The following CCSER1 variants were observed in gnomAD, a reference collection of about 807,000 sequenced individuals.
CCSER1 encodes the protein coiled-coil serine rich protein 1, also known as serine-rich coiled-coil domain-containing protein 1.
CCSER1 carries 41 observed loss-of-function variants against 82.0 expected under a neutral mutation model. The ratio of observed to expected loss-of-function variants is 0.50; its 90% confidence interval spans 0.39 to 0.65. The LOEUF (loss-of-function observed/expected upper bound fraction) is 0.65. Among genes scored for constraint, CCSER1 ranks in the 30% least tolerant of loss-of-function variants. The pLI is 0.00. For missense variants in CCSER1, 1,119 were observed against 1,064.2 expected (o/e 1.05, Z -0.72); for synonymous variants, 414 against 383.9 (o/e 1.08, Z -0.92).
chr4:91,275,749 A>C (rs1050098409), intron 10 of CCSER1, among the ~76,000 whole-genome samples: 1 of 151,942 alleles, frequency 6.6e-6, no homozygotes, highest in African/African-American at 2.4e-5. Context: ...CAATGTCCTG[A>C]ATTGTTTCTT....
At chr4:90,753,685 C>T (rs1749068898) in intron 7 of CCSER1, among the ~76,000 whole-genome samples, 1 of 152,082 alleles carries the variant, frequency 6.6e-6, no homozygotes, top group Non-Finnish European at 1.5e-5. Flanking sequence ...CCAGAGTGAT[C>T]TTTTAAAAAA....
chr4:91,458,093 A>G (rs1353667449), intron 10 of CCSER1, among the ~76,000 whole-genome samples: 1 of 152,156 alleles, frequency 6.6e-6, no homozygotes, highest in Non-Finnish European at 1.5e-5. Context: ...AATGTCCTGA[A>G]GTAGTTCTCC....
intron 10 of CCSER1, among the ~76,000 whole-genome samples, chr4:91,294,965 T>C (rs1239950803): frequency 1.3e-5 from 2 of 151,984 alleles, no homozygotes; most frequent in Non-Finnish European, 2.9e-5. Context: ...ATTATTTTCA[T>C]TGTTCTACTC....
At chr4:90,159,323 G>T (rs1198794859) in intron 1 of CCSER1, among the ~76,000 whole-genome samples, 1 of 152,048 alleles carries the variant, frequency 6.6e-6, no homozygotes, top group Non-Finnish European at 1.5e-5. Context: ...GGGATTAAAG[G>T]CATGAACCAC....
At chr4:90,298,513 A>C (rs1377378789) in intron 1 of CCSER1, among the ~76,000 whole-genome samples, 2 of 151,428 alleles carry the variant, frequency 1.3e-5, no homozygotes, top group African/African-American at 4.8e-5. Context: ...CTCTGATTTT[A>C]GTTATTTCTT....
At chr4:90,395,618 G>C (rs962337600) in intron 3 of CCSER1, among the ~76,000 whole-genome samples, 1 of 150,706 alleles carries the variant, frequency 6.6e-6, no homozygotes, top group African/African-American at 2.4e-5. Flanking sequence ...TAATGTTGGA[G>C]TTTGCTTTTA....
chr4:91,260,545 C>G (rs1302534542), intron 10 of CCSER1, among the ~76,000 whole-genome samples: 1 of 152,142 alleles, frequency 6.6e-6, no homozygotes, highest in South Asian at 2.1e-4. Context: ...TCTGTTTGAT[C>G]CCAAATATGT....
chr4:90,551,713 T>C (rs2153641333), intron 5 of CCSER1, among the ~76,000 whole-genome samples: 1 of 140,200 alleles, frequency 7.1e-6, no homozygotes, highest in South Asian at 2.3e-4. Flanking sequence ...TCTCTATATA[T>C]ATATATATAT....
chr4:90,615,276 T>C (rs559539533), intron 5 of CCSER1, among the ~76,000 whole-genome samples: 40 of 152,220 alleles, frequency 2.6e-4, no homozygotes, highest in Non-Finnish European at 5.0e-4. Flanking sequence ...ATCCATTCTG[T>C]AGCTCATGGA....
intron 10 of CCSER1, among the ~76,000 whole-genome samples, chr4:91,483,217 G>C (rs1758041938): frequency 6.6e-6 from 1 of 152,074 alleles, no homozygotes; most frequent in African/African-American, 2.4e-5. Context: ...AGAAGAATGT[G>C]TTGGCAAAGA....
chr4:90,460,193 C>T (rs1282979713), intron 4 of CCSER1, among the ~76,000 whole-genome samples: 4 of 147,436 alleles, frequency 2.7e-5, no homozygotes, highest in Non-Finnish European at 4.4e-5. Flanking sequence ...GGCATGGTGG[C>T]GCGTGCCTGT....
At position 91,469,564 on chromosome 4, in the gene CCSER1, AG is replaced by A. The variant is rs1560696721; in HGVS notation, c.2218-129005del. On this transcript the variant is annotated intron_variant, in intron 10 of 10. Coordinates refer to ENST00000509176, the MANE Select transcript of CCSER1 (RefSeq NM_001145065.2). ...AATGTCTCAGTTTGCTTAAAAGATT[AG>A]GGTGAAAGAGAATCATACCAGTCTA... Among the ~76,000 whole-genome samples the A allele has an allele frequency of 2.0e-5, 3 of 152,138 alleles. No homozygotes were observed. In the East Asian group the frequency reaches 5.8e-4, roughly 29 times the overall value.
intron 9 of CCSER1, among the ~76,000 whole-genome samples, chr4:90,969,126 A>C (rs956107973): frequency 6.6e-6 from 1 of 151,658 alleles, no homozygotes; most frequent in African/African-American, 2.4e-5. Flanking sequence ...ATAAAAAAAG[A>C]ACACAAAAGA....
At chr4:90,493,537 G>A (rs1194367467) in intron 5 of CCSER1, among the ~76,000 whole-genome samples, 3 of 152,136 alleles carry the variant, frequency 2.0e-5, no homozygotes, top group Admixed American at 6.5e-5. Context: ...CCCACAAAGG[G>A]AAGCCCATCA....
At chr4:90,882,859 G>T (rs1721549877) in intron 8 of CCSER1, among the ~76,000 whole-genome samples, 1 of 151,880 alleles carries the variant, frequency 6.6e-6, no homozygotes, top group African/African-American at 2.4e-5. Context: ...ATCTAGTGAT[G>T]AATTAAAAAG....
At chr4:90,741,457 C>T (rs1163867196) in intron 7 of CCSER1, among the ~76,000 whole-genome samples, 1 of 152,128 alleles carries the variant, frequency 6.6e-6, no homozygotes, top group African/African-American at 2.4e-5. Flanking sequence ...AACAATCACA[C>T]CATCATTCTT....
intron 10 of CCSER1, among the ~76,000 whole-genome samples, chr4:91,140,481 A>G (rs910363863): frequency 1.3e-5 from 2 of 152,114 alleles, no homozygotes; most frequent in African/African-American, 4.8e-5. Context: ...TATTTTGGCT[A>G]TTAGAATATA....
At chr4:90,146,674 G>T (rs1167020647) in intron 1 of CCSER1, among the ~76,000 whole-genome samples, 1 of 151,954 alleles carries the variant, frequency 6.6e-6, no homozygotes, top group Non-Finnish European at 1.5e-5. Flanking sequence ...TGATACAATT[G>T]GATTATGTTC....
intron 10 of CCSER1, among the ~76,000 whole-genome samples, chr4:91,565,050 G>C (rs867457663): frequency 0.033 from 4,918 of 149,558 alleles, 171 homozygotes; most frequent in South Asian, 0.14. Context: ...GTGTGTGTGT[G>C]TGTGTGTGTG....
Sources: gnomAD v4.1 joint callset for allele counts (sites outside exome capture counted in the v4.1 genomes callset) on GRCh38, gnomAD v4.1.1 for gene constraint, MANE v1.5 for transcripts, NCBI Gene and HGNC (gene_info 2026-07-23, HGNC 2026-07-21) for gene names.